The following COL26A1 variants were observed in gnomAD, a reference collection of about 807,000 sequenced individuals.
The protein encoded by COL26A1 is collagen type XXVI alpha 1 chain.
COL26A1 carries 41 observed loss-of-function variants against 59.3 expected under a neutral mutation model. The observed-to-expected ratio is 0.69, with a 90% confidence interval of 0.54 to 0.90. The LOEUF (loss-of-function observed/expected upper bound fraction) is 0.90. COL26A1 is among the 40% of genes least tolerant of loss of function. COL26A1 has a pLI of 0.00. For synonymous variants in COL26A1, 266 were observed against 256.0 expected, an observed-to-expected ratio of 1.04 and a Z score of -0.37; for missense variants, 612 against 602.3, an observed-to-expected ratio of 1.02 and a Z score of -0.17.
intron 3 of COL26A1, among the ~76,000 whole-genome samples, chr7:101,487,671 C>T (rs1258554020): frequency 6.6e-6 from 1 of 152,212 alleles, no homozygotes; most frequent in Non-Finnish European, 1.5e-5. Flanking sequence ...CCCTCGGCCA[C>T]TCTGGCCACC....
At chr7:101,451,636 G>C (rs1486260428) in intron 3 of COL26A1, among the ~76,000 whole-genome samples, 1 of 150,664 alleles carries the variant, frequency 6.6e-6, no homozygotes, top group African/African-American at 2.4e-5. Context: ...GACCACTAAG[G>C]TTGAGCCTAT....
At chr7:101,447,139 C>G (rs894314408) in intron 2 of COL26A1, among the ~76,000 whole-genome samples, 1 of 152,018 alleles carries the variant, frequency 6.6e-6, no homozygotes, top group African/African-American at 2.4e-5. Flanking sequence ...GCTGATCCAT[C>G]GAGGACAGGG....
intron 1 of COL26A1, among the ~76,000 whole-genome samples, chr7:101,373,342 A>G (rs912141977): frequency 6.6e-6 from 1 of 152,222 alleles, no homozygotes; most frequent in African/African-American, 2.4e-5. Flanking sequence ...TTCTCAGAAC[A>G]TTGCAAATTT....
chr7:101,475,894 TTCTCTCTCTTTC>T (rs1794032102), intron 3 of COL26A1, among the ~76,000 whole-genome samples: 1 of 134,784 alleles, frequency 7.4e-6, no homozygotes, highest in Admixed American at 7.3e-5. Flanking sequence ...CTCTCTTTCT[TTCTCTCTCTTTC>T]TCTCTCTCTC....
intron 3 of COL26A1, among the ~76,000 whole-genome samples, chr7:101,524,448 G>A (rs1222230174): frequency 6.6e-6 from 1 of 152,170 alleles, no homozygotes; most frequent in Non-Finnish European, 1.5e-5. Flanking sequence ...GACCTGACAT[G>A]TTTGATGTCC....
At chr7:101,366,496 TTTTTTTTTTTTTTTTTTTTTTAA>T (rs1791051434) in intron 1 of COL26A1, among the ~76,000 whole-genome samples, 2 of 55,828 alleles carry the variant, frequency 3.6e-5, no homozygotes, top group African/African-American at 2.6e-4. Flanking sequence ...TTTTTTTTTT[TTTTTTTTTTTTTTTTTTTTTTAA>T]AGACAGGGTC....
chr7:101,528,763 G>C (rs558603397), intron 3 of COL26A1, among the ~76,000 whole-genome samples: 1 of 152,094 alleles, frequency 6.6e-6, no homozygotes, highest in African/African-American at 2.4e-5. Context: ...TCACCAGGCT[G>C]ATCTCAAACT....
chr7:101,429,240 A>G (rs1584400017), intron 2 of COL26A1, among the ~76,000 whole-genome samples: 1 of 151,808 alleles, frequency 6.6e-6, no homozygotes, highest in Non-Finnish European at 1.5e-5. Flanking sequence ...TTTTTTTCTA[A>G]AAGTTTTATC....
intron 3 of COL26A1, among the ~76,000 whole-genome samples, chr7:101,448,578 G>T (rs570621670): frequency 2.6e-5 from 4 of 151,744 alleles, no homozygotes; most frequent in Admixed American, 6.6e-5. Flanking sequence ...CTGCAGCCTC[G>T]AACTCCTGGG....
chr7:101,515,586 T>C (rs1795012713), intron 3 of COL26A1, among the ~76,000 whole-genome samples: 1 of 97,062 alleles, frequency 1.0e-5, no homozygotes, highest in African/African-American at 5.2e-5. Flanking sequence ...GTCTGGCTCT[T>C]TTTTTTTTTT....
chr7:101,399,995 C>T (rs1041898063), intron 1 of COL26A1, among the ~76,000 whole-genome samples: 1 of 152,148 alleles, frequency 6.6e-6, no homozygotes, highest in South Asian at 2.1e-4. Context: ...GAGAGAGAGA[C>T]AGTCATGTCC....
At chr7:101,415,395 C>G (rs185116440) in intron 1 of COL26A1, among the ~76,000 whole-genome samples, 1 of 152,292 alleles carries the variant, frequency 6.6e-6, no homozygotes, top group Non-Finnish European at 1.5e-5. Context: ...TTCAGATGAT[C>G]TACCCGCCTT....
At chr7:101,370,072 G>C (rs1297573710) in intron 1 of COL26A1, among the ~76,000 whole-genome samples, 1 of 151,974 alleles carries the variant, frequency 6.6e-6, no homozygotes, top group Non-Finnish European at 1.5e-5. Flanking sequence ...TGTTGGTCAG[G>C]CTGGTCTCAA....
At chr7:101,436,272 A>G (rs1227020693) in intron 2 of COL26A1, among the ~76,000 whole-genome samples, 1 of 152,096 alleles carries the variant, frequency 6.6e-6, no homozygotes, top group East Asian at 1.9e-4. Flanking sequence ...TGCAGTGGGA[A>G]GCCCCTTTCC....
intron 1 of COL26A1, among the ~76,000 whole-genome samples, chr7:101,391,413 G>T (rs1032170290): frequency 6.6e-6 from 1 of 152,146 alleles, no homozygotes; most frequent in African/African-American, 2.4e-5. Context: ...CGTATCCTAG[G>T]ACCTAGAGAA....
intron 3 of COL26A1, among the ~76,000 whole-genome samples, chr7:101,504,509 C>T (rs551386855): frequency 2.6e-5 from 4 of 152,246 alleles, no homozygotes; most frequent in East Asian, 3.9e-4. Flanking sequence ...ACTTCCGCCT[C>T]GCTCCTCTCC....
intron 1 of COL26A1, among the ~76,000 whole-genome samples, chr7:101,379,968 T>C (rs993926968): frequency 6.6e-6 from 1 of 152,170 alleles, no homozygotes; most frequent in African/African-American, 2.4e-5. Flanking sequence ...GGAGTAGCCA[T>C]TCTCTATTCC....
At chr7:101,470,903 G>A (rs1399383403) in intron 3 of COL26A1, among the ~76,000 whole-genome samples, 1 of 152,090 alleles carries the variant, frequency 6.6e-6, no homozygotes, top group Non-Finnish European at 1.5e-5. Context: ...AAGCTGTCTA[G>A]GGGCCCAGCA....
At chr7:101,366,474 ATTTTTTTTTTTTT>A (rs869149636) in intron 1 of COL26A1, among the ~76,000 whole-genome samples, 30 of 76,254 alleles carry the variant, frequency 3.9e-4, no homozygotes, top group East Asian at 1.5e-3. Flanking sequence ...TTAACGTCTG[ATTTTTTTTTTTTT>A]TTTTTTTTTT....
Sources: gnomAD v4.1 joint callset for allele counts (sites outside exome capture counted in the v4.1 genomes callset) on GRCh38, gnomAD v4.1.1 for gene constraint, MANE v1.5 for transcripts, NCBI Gene and HGNC (gene_info 2026-07-23, HGNC 2026-07-21) for gene names.